ORC3: variants seen among roughly 807,000 people sequenced by gnomAD.
ORC3 encodes the protein homolog of latheo, Drosophila.
A neutral mutation model predicts 100.7 loss-of-function variants in ORC3; 78 were observed. That is an observed-to-expected ratio of 0.77 (90% confidence interval 0.65 to 0.94). The LOEUF (loss-of-function observed/expected upper bound fraction) is 0.94. Ranked by LOEUF, ORC3 falls within the 40% of genes least tolerant of loss-of-function variation. The pLI, the probability that ORC3 is intolerant of heterozygous loss-of-function variation, is 0.00. For missense variants in ORC3, 789 were observed against 823.9 expected (o/e 0.96, Z 0.52); for synonymous variants, 295 against 289.3 (o/e 1.02, Z -0.20).
At chr6:87,634,247 T>TG (rs1458194464) in intron 11 of ORC3, among the ~76,000 whole-genome samples, 1 of 152,056 alleles carries the variant, frequency 6.6e-6, no homozygotes, top group African/African-American at 2.4e-5. Context: ...TCTTTTTTTT[T>TG]TCTTAATTGG....
At chr6:87,644,082 T>C (rs1469296400) in intron 13 of ORC3, among the ~76,000 whole-genome samples, 6,301 of 61,026 alleles carry the variant, frequency 0.1, 536 homozygotes, top group Admixed American at 0.14. Context: ...GACTGTCCTT[T>C]TTTTTTTTTT....
chr6:87,593,087 T>A (rs1383815113), intron 1 of ORC3, among the ~76,000 whole-genome samples: 1 of 152,036 alleles, frequency 6.6e-6, no homozygotes, highest in Non-Finnish European at 1.5e-5. Context: ...AGCGAGACTC[T>A]GTCTCAAAAA....
intron 8 of ORC3, 98 bp from the exon 9 acceptor site, chr6:87,616,216 G>A (rs1030907104): frequency 1.0e-5 from 5 of 497,580 alleles, no homozygotes; most frequent in African/African-American, 3.9e-5. Flanking sequence ...AGTTAACTGT[G>A]TCATAATATC....
intron 14 of ORC3, among the ~76,000 whole-genome samples, chr6:87,653,662 T>G (rs770173175): frequency 1.3e-5 from 2 of 152,172 alleles, no homozygotes; most frequent in Non-Finnish European, 2.9e-5. Flanking sequence ...TCTGTAAGCT[T>G]GAAAAATTAA....
At chr6:87,662,299 C>T (rs1273187698) in intron 16 of ORC3, among the ~76,000 whole-genome samples, 1 of 151,992 alleles carries the variant, frequency 6.6e-6, no homozygotes, top group Admixed American at 6.6e-5. Context: ...TTGGTGGGCA[C>T]CTGTAATCCC....
intron 1 of ORC3, among the ~76,000 whole-genome samples, chr6:87,590,610 A>G (rs529951853): frequency 1.3e-5 from 2 of 152,314 alleles, no homozygotes; most frequent in African/African-American, 4.8e-5. Context: ...TTAGCAAGGA[A>G]AAGAGTTCTA....
At chr6:87,619,893 A>G (rs1779415682) in intron 9 of ORC3, among the ~76,000 whole-genome samples, 1 of 151,754 alleles carries the variant, frequency 6.6e-6, no homozygotes, top group Non-Finnish European at 1.5e-5. Context: ...ACAGAGTCTC[A>G]CTCTGTTGCC....
chr6:87,640,724 A>G (rs549683904), intron 13 of ORC3, among the ~76,000 whole-genome samples: 1 of 152,354 alleles, frequency 6.6e-6, no homozygotes, highest in South Asian at 2.1e-4. Context: ...ACACCCATCT[A>G]GAAATCAAAT....
chr6:87,642,282 A>G (rs560656762), intron 13 of ORC3, among the ~76,000 whole-genome samples: 201 of 152,194 alleles, frequency 1.3e-3, no homozygotes, highest in African/African-American at 4.6e-3. Context: ...ACAGAGTGAA[A>G]CCCTGTCTCA....
intron 1 of ORC3, among the ~76,000 whole-genome samples, chr6:87,591,119 A>AT (rs1562307419): frequency 6.6e-6 from 1 of 152,254 alleles, no homozygotes; most frequent in Admixed American, 6.5e-5. Flanking sequence ...GTGCTCAATC[A>AT]TCACATGTGG....
downstream of ORC3, among the ~76,000 whole-genome samples, chr6:87,670,522 AAGCTC>A (rs1770811704): frequency 6.6e-6 from 1 of 152,166 alleles, no homozygotes; most frequent in Admixed American, 6.5e-5. Context: ...TTAAAACATG[AAGCTC>A]CTTTGTGGTA....
intron 4 of ORC3, 133 bp downstream of exon 4, chr6:87,603,661 C>G (rs1778133878): frequency 4.2e-6 from 2 of 470,928 alleles, no homozygotes; most frequent in Admixed American, 6.7e-5. Flanking sequence ...ACAATTAAAC[C>G]AACTATAGTT....
Position 87,656,931 on chromosome 6 carries a change from T to C in ORC3, c.1542T>C (p.Ser514=), listed in dbSNP as rs1769753312. The C allele has an allele frequency of 6.2e-7, 1 of 1,613,266 alleles. No homozygotes were observed. The highest frequency in any genetic ancestry group is 1.3e-5 in the African/African-American group (1 of 75,046). The change falls in exon 15 of 20, where the codon TCT becomes TCC. Residue 514 remains serine (S), a synonymous_variant. Transcript: ENST00000392844. The part of the protein sequence containing the change: ...LDETKEEEDA[S]GSQPKGLQKT... ...AAACCAAAGAGGAAGAAGATGCTTC[T>C]GGGTCACAGCCAAAGGGGCTTCAGA...
the ORC3 span, among the ~76,000 whole-genome samples, chr6:87,676,464 A>C: frequency 7.1e-6 from 1 of 141,370 alleles, no homozygotes; most frequent in Non-Finnish European, 1.6e-5. Context: ...AAAAAAAAAA[A>C]AAAAAAACGA....
At chr6:87,675,718 G>T in the ORC3 span, 2 of 1,473,302 alleles carry the variant, frequency 1.4e-6, no homozygotes, top group Non-Finnish European at 1.9e-6. Flanking sequence ...CAAAAGACTT[G>T]CAAAGTTATG....
At chr6:87,630,254 G>A (rs947895499) in intron 11 of ORC3, among the ~76,000 whole-genome samples, 9 of 152,132 alleles carry the variant, frequency 5.9e-5, no homozygotes, top group Non-Finnish European at 1.0e-4. Context: ...AAAATTAGCC[G>A]GGTGTGGTGG....
rs1189835404 is a variant in ORC3, at chr6:87,663,105, C to T, written c.1794C>T (p.Ala598=). The change falls in exon 17 of 20, where the codon GCC becomes GCT. Residue 598 remains alanine, a synonymous_variant. Transcript: ENST00000392844. ...ATTTAAATGCTGCTCCGCGAATTGCCCTCCATACTGCACTCAACAATCCTT... is the reference window on the plus strand; with the variant it reads ...ATTTAAATGCTGCTCCGCGAATTGCTCTCCATACTGCACTCAACAATCCTT... ...REHLNAAPRI[A]LHTALNNPYY... The T allele has an allele frequency of 2.5e-6, 4 of 1,612,672 alleles. No individual in the cohort carries two copies. Among genetic ancestry groups the T allele is most frequent in the Admixed American group, 1.7e-5 (1 of 59,996 alleles).
chr6:87,674,139 A>G, the ORC3 span, among the ~76,000 whole-genome samples: 2 of 151,856 alleles, frequency 1.3e-5, no homozygotes, highest in Non-Finnish European at 1.5e-5. Context: ...TGTCTCTACT[A>G]AAAATACAAA....
chr6:87,601,762 A>G (rs757581997), intron 2 of ORC3, 22 bp from the exon 3 acceptor site: 2 of 1,316,850 alleles, frequency 1.5e-6, no homozygotes, highest in Admixed American at 1.7e-5. Context: ...AAAGAAACTG[A>G]CTTATTTCTT....
Sources: gnomAD v4.1 joint callset for allele counts (sites outside exome capture counted in the v4.1 genomes callset) on GRCh38, gnomAD v4.1.1 for gene constraint, MANE v1.5 for transcripts, NCBI Gene and HGNC (gene_info 2026-07-23, HGNC 2026-07-21) for gene names.